EPHA5: variants seen among roughly 807,000 people sequenced by gnomAD.
EPHA5 encodes EPH receptor A5.
EPHA5 carries 60 observed loss-of-function variants against 105.0 expected under a neutral mutation model. The observed-to-expected ratio is 0.57, with a 90% CI of 0.46 to 0.71. The LOEUF is 0.71. Ranked by LOEUF, EPHA5 falls within the 30% of genes least tolerant of loss-of-function variation. The pLI is 0.00. For synonymous variants in EPHA5, 513 were observed against 449.1 expected (o/e 1.14, Z -1.80); for missense variants, 1,218 against 1,274.7 (o/e 0.96, Z 0.68).
At chr4:65,330,890 G>C (rs1195513350) in intron 16 of EPHA5, 1 of 1,036,798 alleles carries the variant, frequency 9.6e-7, no homozygotes, top group South Asian at 4.6e-5. Flanking sequence ...TTGGTTTCAG[G>C]TCCTTTTAGT....
chr4:65,424,705 C>A (rs1448005311), intron 5 of EPHA5, among the ~76,000 whole-genome samples: 1 of 151,958 alleles, frequency 6.6e-6, no homozygotes, highest in Admixed American at 6.6e-5. Flanking sequence ...TCGATGAGAT[C>A]CAAAGGCAAA....
At chr4:65,373,410 TC>T (rs1560466497) in intron 8 of EPHA5, among the ~76,000 whole-genome samples, 1 of 151,448 alleles carries the variant, frequency 6.6e-6, no homozygotes, top group Non-Finnish European at 1.5e-5. Flanking sequence ...ACTTCCACAC[TC>T]CCCCCGGCAG....
chr4:65,385,000 G>A (rs1048582604), intron 8 of EPHA5, among the ~76,000 whole-genome samples: 4 of 151,612 alleles, frequency 2.6e-5, no homozygotes, highest in African/African-American at 4.8e-5. Context: ...AGAAAAGAAC[G>A]TAGGATTATC....
intron 8 of EPHA5, among the ~76,000 whole-genome samples, chr4:65,394,174 A>G (rs1315057643): frequency 6.6e-6 from 1 of 152,138 alleles, no homozygotes. Context: ...AATTCAATGT[A>G]TTTTTTAGTG....
At chr4:65,581,624 ATAC>A (rs1741634301) in intron 3 of EPHA5, among the ~76,000 whole-genome samples, 1 of 151,800 alleles carries the variant, frequency 6.6e-6, no homozygotes, top group South Asian at 2.1e-4. Context: ...ATCTTAAAAT[ATAC>A]CAGCCATAGG....
At chr4:65,424,276 C>T (rs1370259155) in intron 5 of EPHA5, among the ~76,000 whole-genome samples, 3 of 152,018 alleles carry the variant, frequency 2.0e-5, no homozygotes, top group Non-Finnish European at 4.4e-5. Context: ...AATATATCTT[C>T]CTTACTTTTC....
intron 7 of EPHA5, among the ~76,000 whole-genome samples, chr4:65,405,724 C>G (rs559312376): frequency 2.6e-4 from 39 of 152,030 alleles, no homozygotes; most frequent in African/African-American, 8.7e-4. Context: ...ATAGTATTAC[C>G]CTGTTTTCTC....
At chr4:65,619,747 T>G (rs1745548325) in intron 2 of EPHA5, among the ~76,000 whole-genome samples, 1 of 151,998 alleles carries the variant, frequency 6.6e-6, no homozygotes, top group African/African-American at 2.4e-5. Context: ...TAAGTATCTA[T>G]GTGCACAGAA....
At chr4:65,469,172 T>C (rs1207929300) in intron 5 of EPHA5, among the ~76,000 whole-genome samples, 1 of 152,050 alleles carries the variant, frequency 6.6e-6, no homozygotes, top group African/African-American at 2.4e-5. Flanking sequence ...GTAAAGTTGG[T>C]GAAGAAGAAG....
At chr4:65,631,705 A>C (rs946047260) in intron 2 of EPHA5, among the ~76,000 whole-genome samples, 1 of 143,180 alleles carries the variant, frequency 7.0e-6, no homozygotes, top group Non-Finnish European at 1.6e-5. Context: ...AGCCAACTGC[A>C]GTTGGACATG....
At chr4:65,325,450 T>C (rs1485640307) in intron 16 of EPHA5, among the ~76,000 whole-genome samples, 1 of 142,762 alleles carries the variant, frequency 7.0e-6, no homozygotes, top group Non-Finnish European at 1.6e-5. Context: ...TTTTAGGAAA[T>C]GGCAAGCAGC....
intron 3 of EPHA5, among the ~76,000 whole-genome samples, chr4:65,550,413 A>G (rs780470418): frequency 2.0e-5 from 3 of 152,160 alleles, no homozygotes; most frequent in South Asian, 2.1e-4. Flanking sequence ...TAATATTTCA[A>G]AAGTTTGGAC....
intron 15 of EPHA5, among the ~76,000 whole-genome samples, chr4:65,334,778 T>C (rs909704271): frequency 2.3e-4 from 35 of 151,774 alleles, no homozygotes; most frequent in African/African-American, 8.5e-4. Context: ...TAATGATGCC[T>C]ATATAAATTA....
rs2149437660 is a variant in EPHA5, at chr4:65,601,761, T to A, written c.790A>T (p.Asn264Tyr). The A allele has an allele frequency of 6.2e-7, 1 of 1,614,144 alleles. No individual in the cohort carries two copies. The highest frequency in any genetic ancestry group is 8.5e-7 in the Non-Finnish European group (1 of 1,180,020). ...GGAGGTTCATCGGTCACAGAATGGT[T>A]GACACAGGAGCCTGACACTTCGAGC... ...QLLEVSGSCV[N>Y]HSVTDEPPKM... is the part of the protein sequence containing the mutation. Residue 264 changes from asparagine to tyrosine, a missense_variant, in exon 3 of 17, where the codon AAC (asparagine) becomes TAC (tyrosine). Asn to Tyr is a moderately radical substitution (Grantham distance 143, BLOSUM62 -2). This residue lies in a region of EPHA5 where 971 missense variants were observed against 1,013.5 expected (regional missense o/e 0.96). Coordinates refer to ENST00000613740, the MANE Select transcript of EPHA5 (RefSeq NM_001281766.3).
intron 5 of EPHA5, among the ~76,000 whole-genome samples, chr4:65,486,136 T>C (rs1416211076): frequency 6.6e-6 from 1 of 152,158 alleles, no homozygotes; most frequent in Non-Finnish European, 1.5e-5. Context: ...ATTTTTATAA[T>C]AAGAAAACCT....
At chr4:65,562,585 T>C (rs946128225) in intron 3 of EPHA5, among the ~76,000 whole-genome samples, 5 of 152,060 alleles carry the variant, frequency 3.3e-5, no homozygotes, top group African/African-American at 1.2e-4. Context: ...TATCCATGCA[T>C]GTGGAAGACA....
intron 2 of EPHA5, among the ~76,000 whole-genome samples, chr4:65,620,353 T>C (rs1430298469): frequency 2.0e-5 from 3 of 152,044 alleles, no homozygotes; most frequent in African/African-American, 7.2e-5. Flanking sequence ...CGATGCACAC[T>C]GTTTCTATTT....
intron 3 of EPHA5, among the ~76,000 whole-genome samples, chr4:65,542,557 T>C (rs908593003): frequency 6.6e-6 from 1 of 151,750 alleles, no homozygotes; most frequent in African/African-American, 2.4e-5. Context: ...AAATAACAAG[T>C]TCTGAAATTG....
At position 65,554,632 on chromosome 4, in the gene EPHA5, G is replaced by A. The variant is rs1312832275; in HGVS notation, c.910+47009C>T. ...TTTTTCTAGGTAATACTAATACTCA[G>A]TTTATATTTTATTCATAAACTATTC... On this transcript the variant is annotated intron_variant, in intron 3 of 16. Coordinates refer to ENST00000613740, the MANE Select transcript of EPHA5 (RefSeq NM_001281766.3). Among the ~76,000 whole-genome samples, 6 of 151,576 alleles carry A rather than the reference G, an allele frequency of 4.0e-5. No homozygotes were observed. The East Asian group carries it at 1.2e-3, about 29-fold the overall frequency.
Sources: allele counts gnomAD v4.1 joint callset (sites outside exome capture counted in the v4.1 genomes callset), GRCh38; gene constraint gnomAD v4.1.1; regional missense constraint gnomAD v4.1.1; transcripts MANE v1.5; gene names NCBI Gene and HGNC (gene_info 2026-07-23, HGNC 2026-07-21).